Variants in CCS observed in about 807,000 individuals in gnomAD.
CCS encodes copper chaperone for superoxide dismutase, also known as superoxide dismutase copper chaperone.
In CCS, 32 loss-of-function variants were observed where a neutral mutation model predicts 35.5. The observed-to-expected ratio is 0.90, with a 90% CI of 0.68 to 1.21. The LOEUF is 1.21. Among genes scored for constraint, CCS ranks in the 50% most tolerant of loss-of-function variants. The pLI, the probability that CCS is intolerant of heterozygous loss-of-function variation, is 0.00. For missense variants in CCS, 342 were observed against 375.4 expected (o/e 0.91, Z 0.73); for synonymous variants, 130 against 147.2 (o/e 0.88, Z 0.84).
In CCS at chr11:66,606,006, A is replaced by G; in HGVS notation, c.*151A>G. The G allele has an allele frequency of 2.5e-6, 2 of 810,782 alleles. No individual in the cohort carries two copies. Among genetic ancestry groups the G allele is most frequent in the South Asian group, 3.3e-5 (1 of 30,034 alleles). 50.2% of individuals were successfully genotyped at this position (810,782 alleles called of 1,614,324 possible). ...TGTTCCCTTGGCAAATGAAAGTTTTATTTTCGTTTGGGACTTGGTGTTTTG... is the reference window on the plus strand; with the variant it reads ...TGTTCCCTTGGCAAATGAAAGTTTTGTTTTCGTTTGGGACTTGGTGTTTTG... On this transcript the variant is annotated 3_prime_UTR_variant, in exon 8 of 8. Transcript: ENST00000533244.
chr11:66,603,643 G>A (rs1435306763), intron 5 of CCS, among the ~76,000 whole-genome samples: 1 of 152,162 alleles, frequency 6.6e-6, no homozygotes, highest in East Asian at 1.9e-4. Context: ...TCAGGAGATC[G>A]AGACCATCCT....
chr11:66,596,622 C>T (rs1206510693), intron 2 of CCS, among the ~76,000 whole-genome samples: 2 of 152,122 alleles, frequency 1.3e-5, no homozygotes, highest in East Asian at 3.9e-4. Flanking sequence ...CCTTGTGATC[C>T]ACCCACCTTG....
intron 6 of CCS, 35 bp downstream of exon 6, chr11:66,605,451 CAG>C (rs1306815942): frequency 1.2e-6 from 2 of 1,613,688 alleles, no homozygotes; most frequent in African/African-American, 2.7e-5. Context: ...CCCTTCCTAA[CAG>C]GGTCCATCAT....
intron 6 of CCS, 23 bp from the exon 7 acceptor site, chr11:66,605,466 G>A: frequency 6.2e-7 from 1 of 1,613,702 alleles, no homozygotes; most frequent in Non-Finnish European, 8.5e-7. Flanking sequence ...TCCATCATCT[G>A]AAGCTGTCGT....
At chr11:66,598,168 C>A (rs550049063) in intron 2 of CCS, among the ~76,000 whole-genome samples, 2 of 151,946 alleles carry the variant, frequency 1.3e-5, no homozygotes, top group South Asian at 4.2e-4. Flanking sequence ...ACAACCATCT[C>A]TCCACTGTCA....
At position 66,599,639 on chromosome 11, in the gene CCS, G is replaced by T. The variant is rs1002961501; in HGVS notation, c.428+3G>T. The T allele has an allele frequency of 6.2e-7, 1 of 1,611,206 alleles. No homozygotes were observed. Among genetic ancestry groups the T allele is most frequent in the African/African-American group, 1.3e-5 (1 of 74,776 alleles). On this transcript the variant is annotated splice_donor_region_variant and intron_variant, in intron 4 of 7. Coordinates refer to ENST00000533244, the MANE Select transcript of CCS (RefSeq NM_005125.2). ...GACCTTACAAACAACTGCAACAGGT[G>T]AGTTGTCTGAAGTCTCCCCAGTAGC... is the stretch of plus-strand genomic sequence containing the variant.
At chr11:66,593,909 A>G (rs1454655170) in intron 2 of CCS, among the ~76,000 whole-genome samples, 195 bp downstream of exon 2, 1 of 152,212 alleles carries the variant, frequency 6.6e-6, no homozygotes, top group East Asian at 1.9e-4. Flanking sequence ...GCCCTGACAG[A>G]TTCTAACTGC....
intron 5 of CCS, among the ~76,000 whole-genome samples, chr11:66,602,172 C>T (rs11227548): frequency 6.6e-6 from 1 of 152,308 alleles, no homozygotes; most frequent in East Asian, 1.9e-4. Flanking sequence ...TCAAATGACT[C>T]CAAAGTTAGG....
In CCS at chr11:66,599,607, G is replaced by A; in HGVS notation, c.399G>A (p.Gln133=). The A allele has an allele frequency of 6.2e-7, 1 of 1,610,976 alleles. No individual in the cohort carries two copies. The highest frequency in any genetic ancestry group is 1.1e-5 in the South Asian group (1 of 90,646). ...GGCTGCATGGACTCCACGTCCATCAGTACGGGGACCTTACAAACAACTGCA... is the reference window on the plus strand; with the variant it reads ...GGCTGCATGGACTCCACGTCCATCAATACGGGGACCTTACAAACAACTGCA... ...EPGLHGLHVH[Q]YGDLTNNCNS... The change falls in exon 4 of 8, where the codon CAG becomes CAA. Residue 133 remains glutamine (Q), a synonymous_variant. Transcript: ENST00000533244.
chr11:66,593,623 G>C lies in CCS; in HGVS notation c.40-19G>C, dbSNP rs748538018. 6.2e-7 allele frequency: 1 copy of C among 1,612,494 alleles called. No homozygotes were observed. ...GCACTTCCCCAGCGATCATCGGTTG[G>C]TCCCTGCCGCCCTTGCAGTTGGAGT... On this transcript the variant is annotated intron_variant, in intron 1 of 7. Transcript: ENST00000533244.
At chr11:66,596,584 G>A (rs1236201544) in intron 2 of CCS, among the ~76,000 whole-genome samples, 1 of 151,824 alleles carries the variant, frequency 6.6e-6, no homozygotes, top group Non-Finnish European at 1.5e-5. Flanking sequence ...GTTTCACCGT[G>A]TTAGCCAGGA....
At chr11:66,600,385 A>G in intron 4 of CCS, 104 bp from the exon 5 acceptor site, 1 of 605,154 alleles carries the variant, frequency 1.7e-6, no homozygotes, top group Non-Finnish European at 2.7e-6. Context: ...TGTTTGTTGA[A>G]TGAATGAATG....
chr11:66,605,794 G>A lies in CCS; in HGVS notation c.764G>A (p.Arg255Gln), dbSNP rs769362989. Residue 255 changes from arginine to glutamine, a missense_variant, in exon 8 of 8, where the codon CGA becomes CAA. Physicochemically the swap from Arg to Gln is conservative, Grantham distance 43 (BLOSUM62 1). Transcript: ENST00000533244. ...GATGGCCTCACCATCTGGGAGGAGC[G>A]AGGCCGGCCCATCGCTGGCAAGGGC... is the stretch of plus-strand genomic sequence containing the variant. Reference protein sequence around the residue: ...SCDGLTIWEERGRPIAGKGRK... With the variant: ...SCDGLTIWEEQGRPIAGKGRK... 12 of 1,603,914 alleles carry A rather than the reference G, an allele frequency of 7.5e-6. No homozygotes were observed. The African/African-American group carries it at 8.1e-5, about 11-fold the overall frequency.
chr11:66,598,256 C>T (rs987406668), intron 2 of CCS, among the ~76,000 whole-genome samples: 3 of 151,754 alleles, frequency 2.0e-5, no homozygotes, highest in African/African-American at 7.3e-5. Context: ...AATCTCAGTA[C>T]TTTGGGAGAC....
At chr11:66,595,902 G>A (rs1052398182) in intron 2 of CCS, among the ~76,000 whole-genome samples, 4 of 152,140 alleles carry the variant, frequency 2.6e-5, no homozygotes, top group Admixed American at 6.6e-5. Context: ...TGAGGGTCTG[G>A]GAACCCTCCT....
At position 66,600,381 on chromosome 11, in the gene CCS, T is replaced by TTGAA. The variant is rs549083639; in HGVS notation, c.429-83_429-80dup. On this transcript the variant is annotated intron_variant, in intron 4 of 7. Coordinates refer to ENST00000533244, the MANE Select transcript of CCS (RefSeq NM_005125.2). ...GCCCAGCACAGAGTAGGCCTGTTTG[T>TTGAA]TGAATGAATGAATGAATGAATGAAT... 1,822 of 693,562 alleles carry TTGAA rather than the reference T, an allele frequency of 2.6e-3. 5 individuals carry two copies. The highest frequency in any genetic ancestry group is 0.011 in the South Asian group (417 of 39,204). 43.0% of individuals were successfully genotyped at this position (693,562 alleles called of 1,614,324 possible).
chr11:66,598,468 C>G lies in CCS; in HGVS notation c.113-648C>G, dbSNP rs12419295. 2.9e-5 allele frequency among the ~76,000 whole-genome samples: 2 copies of G among 67,906 alleles called. 1 individual carries two copies. Among genetic ancestry groups the G allele is most frequent in the African/African-American group, 7.4e-5 (2 of 27,048 alleles). 44.5% of individuals were successfully genotyped at this position (67,906 alleles called of 152,430 possible). On this transcript the variant is annotated intron_variant, in intron 2 of 7. Coordinates refer to ENST00000533244, the MANE Select transcript of CCS (RefSeq NM_005125.2). ...GATGGAGGTTTCAGTGAGCTGAGAT[C>G]GTGCCACTGCACTCCAGCCTGAGCA... is the stretch of plus-strand genomic sequence containing the variant.
chr11:66,596,569 A>T (rs1858481170), intron 2 of CCS, among the ~76,000 whole-genome samples: 1 of 151,726 alleles, frequency 6.6e-6, no homozygotes, highest in Admixed American at 6.6e-5. Flanking sequence ...TTTAGTAGAG[A>T]TGGGGTTTCA....
chr11:66,599,487 G>T lies in CCS; in HGVS notation c.279G>T (p.Leu93=), dbSNP rs61731811. Residue 93 remains leucine, a synonymous_variant, in exon 4 of 8, where the codon CTG becomes CTT. Transcript: ENST00000533244. ...LQNLGAAVAI[L]GGPGTVQGVV... ...ATCTGGGGGCAGCAGTGGCCATCCT[G>T]GGGGGGCCTGGCACCGTGCAGGGGG... 15,870 of 1,546,340 alleles carry T rather than the reference G, an allele frequency of 0.01. 108 individuals are homozygous for T. Among genetic ancestry groups the T allele is most frequent in the Non-Finnish European group, 0.013 (14,406 of 1,150,356 alleles).
Sources: allele counts gnomAD v4.1 joint callset (sites outside exome capture counted in the v4.1 genomes callset), GRCh38; gene constraint gnomAD v4.1.1; transcripts MANE v1.5; gene names NCBI Gene and HGNC (gene_info 2026-07-23, HGNC 2026-07-21).